Variants in PIGU observed in about 807,000 individuals in gnomAD.
PIGU encodes the protein phosphatidylinositol glycan anchor biosynthesis class U.
In PIGU, 24 loss-of-function variants were observed where a neutral mutation model predicts 49.9. The ratio of observed to expected loss-of-function variants is 0.48; its 90% CI spans 0.35 to 0.68. The LOEUF is 0.68. PIGU is among the 30% of genes least tolerant of loss of function. The pLI is 0.01. For synonymous variants in PIGU, 220 were observed against 205.7 expected (o/e 1.07, Z -0.59); for missense variants, 490 against 532.6 (o/e 0.92, Z 0.79).
intron 10 of PIGU, among the ~76,000 whole-genome samples, chr20:34,577,292 A>G (rs1000049494): frequency 4.6e-5 from 7 of 152,318 alleles, no homozygotes; most frequent in African/African-American, 1.2e-4. Flanking sequence ...TGAGAGACTT[A>G]AAGGGTGGAG....
chr20:34,619,135 A>G (rs1220545639), intron 6 of PIGU, among the ~76,000 whole-genome samples: 1 of 152,232 alleles, frequency 6.6e-6, no homozygotes, highest in Non-Finnish European at 1.5e-5. Context: ...TAGAAGTAAT[A>G]GGACAGAATT....
At position 34,646,892 on chromosome 20, in the gene PIGU, G is replaced by A. The variant is rs571753529; in HGVS notation, c.196-1558C>T. On this transcript the variant is annotated intron_variant, in intron 2 of 11. Coordinates refer to ENST00000217446, the MANE Select transcript of PIGU (RefSeq NM_080476.5). ...GGCTGGTGTGCAGTGGCTGGATCTC[G>A]CTTGCTGCAAGATCCTCCACCTCCA... Among the ~76,000 whole-genome samples, 3 of 150,418 alleles carry A rather than the reference G, an allele frequency of 2.0e-5. No individual in the cohort carries two copies. In the East Asian group the frequency reaches 6.0e-4, roughly 30 times the overall value.
At chr20:34,663,504 A>G (rs1986990534) in intron 1 of PIGU, among the ~76,000 whole-genome samples, 1 of 152,072 alleles carries the variant, frequency 6.6e-6, no homozygotes, top group Admixed American at 6.6e-5. Context: ...AAGAAAAGAA[A>G]AGAAAAAAGA....
intron 4 of PIGU, among the ~76,000 whole-genome samples, chr20:34,640,038 G>T (rs6088556): frequency 2.6e-5 from 4 of 152,268 alleles, no homozygotes; most frequent in Admixed American, 2.6e-4. Context: ...CCACAAAGAA[G>T]GCTGTGAGAA....
rs1471915359 is a variant in PIGU, at chr20:34,637,875, C to A, written c.428+1G>T. Reference sequence around the variant, plus strand: ...AGCCTGTTTTGTCAGGGAATACTTACAACAGGGCCACTTTCAAAGGGATGT... The same window carrying A: ...AGCCTGTTTTGTCAGGGAATACTTAAAACAGGGCCACTTTCAAAGGGATGT... On this transcript the variant is annotated splice_donor_variant, in intron 5 of 11. Transcript: ENST00000217446. LOFTEE classifies it high-confidence loss of function. 6.2e-7 allele frequency: 1 copy of A among 1,609,906 alleles called. No individual in the cohort carries two copies.
rs568601039 is a variant in PIGU at position 34,604,322 on chromosome 20, T to C, written c.627+11720A>G. Among the ~76,000 whole-genome samples, 18 of 152,302 alleles carry C rather than the reference T, an allele frequency of 1.2e-4. No individual in the cohort carries two copies. In the South Asian group the frequency reaches 3.7e-3, roughly 32 times the overall value. On this transcript the variant is annotated intron_variant, in intron 7 of 11. Transcript: ENST00000217446. The stretch of plus-strand genomic sequence containing the variant: ...GCACTAGGGAGAAAAGCATTTTCTG[T>C]ACAGAAACCATTTCCTTTCTCAGAC...
intron 6 of PIGU, among the ~76,000 whole-genome samples, chr20:34,623,165 C>T (rs982049566): frequency 6.6e-6 from 1 of 152,004 alleles, no homozygotes; most frequent in African/African-American, 2.4e-5. Context: ...ATGATCTATA[C>T]CAAGACAGGC....
At chr20:34,586,950 A>G (rs1464240178) in intron 8 of PIGU, among the ~76,000 whole-genome samples, 2 of 152,178 alleles carry the variant, frequency 1.3e-5, no homozygotes, top group Non-Finnish European at 2.9e-5. Context: ...GTGAAAAATC[A>G]GACCTTGGCG....
At chr20:34,628,318 C>T (rs1985572042) in intron 6 of PIGU, among the ~76,000 whole-genome samples, 1 of 150,596 alleles carries the variant, frequency 6.6e-6, no homozygotes, top group Non-Finnish European at 1.5e-5. Context: ...CCCCATTATC[C>T]ACAAAAAGGA....
rs185113734 is a variant in PIGU, at chr20:34,596,700, C to T, written c.628-8093G>A. ...AAAAAAAAATCAGCCCTTTGCCTTG[C>T]CTCTAATCTTCATTAAATCAAGCTT... On this transcript the variant is annotated intron_variant, in intron 7 of 11. Transcript: ENST00000217446. Among the ~76,000 whole-genome samples, 5 of 152,200 alleles carry T rather than the reference C, an allele frequency of 3.3e-5. No individual in the cohort carries two copies. The East Asian group carries it at 9.6e-4, about 29-fold the overall frequency.
chr20:34,561,087 C>T (rs917517553), intron 11 of PIGU, 108 bp from the exon 12 acceptor site: 10 of 735,502 alleles, frequency 1.4e-5, no homozygotes, highest in African/African-American at 5.4e-5. Flanking sequence ...CCCTGCCTGG[C>T]TCTGGATCAC....
intron 2 of PIGU, among the ~76,000 whole-genome samples, chr20:34,646,756 A>G (rs1336138556): frequency 6.6e-6 from 1 of 152,170 alleles, no homozygotes; most frequent in Non-Finnish European, 1.5e-5. Flanking sequence ...ACTTCCAGTA[A>G]CATTTCTTCT....
At chr20:34,564,920 G>C (rs1982679778) in intron 11 of PIGU, among the ~76,000 whole-genome samples, 1 of 152,230 alleles carries the variant, frequency 6.6e-6, no homozygotes, top group Admixed American at 6.5e-5. Flanking sequence ...TGAGCACCCT[G>C]CCCCCAGGGA....
At chr20:34,597,508 T>C (rs1378326434) in intron 7 of PIGU, among the ~76,000 whole-genome samples, 1 of 152,218 alleles carries the variant, frequency 6.6e-6, no homozygotes, top group African/African-American at 2.4e-5. Flanking sequence ...GAAGATACTT[T>C]CTGTATTTTG....
intron 1 of PIGU, among the ~76,000 whole-genome samples, chr20:34,660,775 T>C (rs1469281849): frequency 6.6e-6 from 1 of 152,230 alleles, no homozygotes; most frequent in East Asian, 1.9e-4. Flanking sequence ...TCCCAGATTA[T>C]AAGAGACTAA....
At chr20:34,659,742 G>A (rs1986871306) in intron 1 of PIGU, among the ~76,000 whole-genome samples, 1 of 152,198 alleles carries the variant, frequency 6.6e-6, no homozygotes, top group South Asian at 2.1e-4. Flanking sequence ...CTGTTGATCT[G>A]TGACCTTACC....
chr20:34,640,522 C>A (rs1307311099), intron 4 of PIGU, among the ~76,000 whole-genome samples: 2 of 118,652 alleles, frequency 1.7e-5, no homozygotes, highest in African/African-American at 5.7e-5. Context: ...CACACACACA[C>A]ACACACACAC....
In PIGU at chr20:34,668,867, CTTTTTTT is replaced by C. The variant is rs374136983; in HGVS notation, c.130+8082_130+8088del. The stretch of plus-strand genomic sequence containing the variant: ...AAAAATTAGTGAAAAAATGGTAAAA[CTTTTTTT>C]TTTTTTTTTTTTTTTTTTTTTTTTT... On this transcript the variant is annotated intron_variant, in intron 1 of 11. Transcript: ENST00000217446. Among the ~76,000 whole-genome samples, 340 of 44,670 alleles carry C rather than the reference CTTTTTTT, an allele frequency of 7.6e-3. 5 individuals carry two copies. The highest frequency in any genetic ancestry group is 0.011 in the African/African-American group (134 of 11,860). 29.3% of individuals were successfully genotyped at this position (44,670 alleles called of 152,430 possible).
At chr20:34,626,929 TTAA>T (rs951534526) in intron 6 of PIGU, among the ~76,000 whole-genome samples, 7 of 152,006 alleles carry the variant, frequency 4.6e-5, no homozygotes, top group African/African-American at 1.7e-4. Context: ...AATAATTTTA[TTAA>T]TATTATGTGG....
Sources: gnomAD v4.1 joint callset for allele counts (sites outside exome capture counted in the v4.1 genomes callset) on GRCh38, gnomAD v4.1.1 for gene constraint, MANE v1.5 for transcripts, NCBI Gene and HGNC (gene_info 2026-07-23, HGNC 2026-07-21) for gene names.